GRID2: variants seen among roughly 807,000 people sequenced by gnomAD.
GRID2 encodes the protein glutamate receptor ionotropic, delta-2.
In GRID2, 33 loss-of-function variants were observed where a neutral mutation model predicts 114.8. That is an observed-to-expected ratio of 0.29 (90% CI 0.22 to 0.38). The LOEUF is 0.38. GRID2 is among the 10% of genes least tolerant of loss of function. The pLI, the probability that GRID2 is intolerant of heterozygous loss-of-function variation, is 1.00. For synonymous variants in GRID2, 505 were observed against 449.9 expected, an observed-to-expected ratio of 1.12 and a Z score of -1.55; for missense variants, 1,184 against 1,257.7, an observed-to-expected ratio of 0.94 and a Z score of 0.89.
intron 14 of GRID2, among the ~76,000 whole-genome samples, chr4:93,689,654 G>A (rs928866486): frequency 2.0e-5 from 3 of 151,824 alleles, no homozygotes; most frequent in African/African-American, 7.3e-5. Flanking sequence ...TAAATACTGA[G>A]ACTCAAGCAT....
At chr4:93,151,218 C>A (rs925736181) in intron 4 of GRID2, among the ~76,000 whole-genome samples, 1 of 151,888 alleles carries the variant, frequency 6.6e-6, no homozygotes, top group Non-Finnish European at 1.5e-5. Context: ...TGTCACCATC[C>A]CTTTCTTGGT....
chr4:93,243,039 A>G (rs1224617417), intron 8 of GRID2, among the ~76,000 whole-genome samples: 1 of 151,988 alleles, frequency 6.6e-6, no homozygotes, highest in Non-Finnish European at 1.5e-5. Context: ...AGCTGGCACT[A>G]TAGAGGTATT....
Position 92,726,737 on chromosome 4 carries a change from A to G in GRID2, c.244+136451A>G, listed in dbSNP as rs184933927. 2.0e-5 allele frequency among the ~76,000 whole-genome samples: 3 copies of G among 152,194 alleles called. No homozygotes were observed. The East Asian group carries it at 5.8e-4, about 29-fold the overall frequency. On this transcript the variant is annotated intron_variant, in intron 2 of 15. Transcript: ENST00000282020. ...AAAGTTACTAAAGCAGTTAATCCAT[A>G]TCGATTAAGCTGAAAGGACTCAGGT... is the stretch of plus-strand genomic sequence containing the variant.
chr4:93,329,526 G>T (rs1758210776), intron 8 of GRID2, among the ~76,000 whole-genome samples: 1 of 152,042 alleles, frequency 6.6e-6, no homozygotes, highest in Non-Finnish European at 1.5e-5. Context: ...AGTTTCTCAA[G>T]ATCCTAATTA....
chr4:93,514,554 A>T (rs1012649206), intron 12 of GRID2, among the ~76,000 whole-genome samples: 1 of 152,100 alleles, frequency 6.6e-6, no homozygotes, highest in Admixed American at 6.6e-5. Flanking sequence ...ACAGACCCAC[A>T]TTTGAATTCT....
intron 13 of GRID2, among the ~76,000 whole-genome samples, chr4:93,544,222 G>A (rs1307501717): frequency 2.0e-5 from 3 of 152,050 alleles, no homozygotes; most frequent in Admixed American, 2.0e-4. Context: ...TCTCAAATGT[G>A]TGGAATAGAT....
chr4:93,305,046 A>G (rs182375026), intron 8 of GRID2, among the ~76,000 whole-genome samples: 145 of 152,282 alleles, frequency 9.5e-4, no homozygotes, highest in African/African-American at 3.4e-3. Flanking sequence ...ATTATTGTGG[A>G]TGCAAAAATG....
chr4:92,741,734 C>CT (rs1032030965), intron 2 of GRID2, among the ~76,000 whole-genome samples: 3 of 152,120 alleles, frequency 2.0e-5, no homozygotes, highest in Admixed American at 1.3e-4. Flanking sequence ...CTTTTGAAAT[C>CT]TTTTTTCCCC....
At chr4:92,934,342 G>T (rs1419199042) in intron 2 of GRID2, among the ~76,000 whole-genome samples, 2 of 151,590 alleles carry the variant, frequency 1.3e-5, no homozygotes, top group African/African-American at 2.4e-5. Context: ...TCTGTTATTG[G>T]TGTATAAGAA....
chr4:92,851,461 A>ATT (rs1273003162), intron 2 of GRID2, among the ~76,000 whole-genome samples: 1 of 151,928 alleles, frequency 6.6e-6, no homozygotes, highest in Non-Finnish European at 1.5e-5. Context: ...GGATTACAGA[A>ATT]TTTTTAGAGT....
intron 13 of GRID2, among the ~76,000 whole-genome samples, chr4:93,520,252 C>A (rs1305328974): frequency 6.6e-6 from 1 of 151,928 alleles, no homozygotes; most frequent in African/African-American, 2.4e-5. Context: ...AAAGTTCCTG[C>A]CTAAATGGAG....
At chr4:93,768,293 C>G (rs992960123) in intron 14 of GRID2, among the ~76,000 whole-genome samples, 1 of 152,222 alleles carries the variant, frequency 6.6e-6, no homozygotes, top group African/African-American at 2.4e-5. Context: ...TGTACAGGCA[C>G]ACAGCCTTGG....
chr4:92,390,183 G>C (rs1249240368), intron 1 of GRID2, among the ~76,000 whole-genome samples: 1 of 152,020 alleles, frequency 6.6e-6, no homozygotes, highest in Non-Finnish European at 1.5e-5. Flanking sequence ...CATTAATTAA[G>C]TGCATACTAT....
intron 4 of GRID2, among the ~76,000 whole-genome samples, chr4:93,115,402 GAC>G (rs374431110): frequency 9.0e-5 from 13 of 144,524 alleles, no homozygotes; most frequent in East Asian, 2.1e-4. Context: ...AGTATATACA[GAC>G]ACACACACAC....
intron 14 of GRID2, among the ~76,000 whole-genome samples, chr4:93,712,279 A>G (rs1469956077): frequency 2.0e-5 from 3 of 151,922 alleles, no homozygotes; most frequent in South Asian, 4.1e-4. Flanking sequence ...TTTATCTTTA[A>G]TCTACTTGGA....
At chr4:92,967,102 C>A (rs1342852926) in intron 2 of GRID2, among the ~76,000 whole-genome samples, 1 of 151,884 alleles carries the variant, frequency 6.6e-6, no homozygotes, top group Admixed American at 6.6e-5. Flanking sequence ...CTTAAGGCAA[C>A]AAACTGATAA....
intron 1 of GRID2, among the ~76,000 whole-genome samples, chr4:92,328,265 G>A (rs1560569713): frequency 6.6e-6 from 1 of 152,000 alleles, no homozygotes; most frequent in Non-Finnish European, 1.5e-5. Flanking sequence ...CCAGAGCAGG[G>A]GAAAGGTGCA....
intron 1 of GRID2, among the ~76,000 whole-genome samples, chr4:92,571,783 A>G (rs1579602764): frequency 6.6e-6 from 1 of 151,976 alleles, no homozygotes; most frequent in South Asian, 2.1e-4. Context: ...CTGAATGACT[A>G]CTGGGTACAT....
chr4:92,413,079 A>G (rs1283521627), intron 1 of GRID2, among the ~76,000 whole-genome samples: 1 of 152,214 alleles, frequency 6.6e-6, no homozygotes, highest in East Asian at 1.9e-4. Flanking sequence ...AAGGGCTACA[A>G]GTGCAGTTTT....
Sources: allele counts gnomAD v4.1 joint callset (sites outside exome capture counted in the v4.1 genomes callset), GRCh38; gene constraint gnomAD v4.1.1; transcripts MANE v1.5; gene names NCBI Gene and HGNC (gene_info 2026-07-23, HGNC 2026-07-21).